Variants in CCNH observed in about 807,000 individuals in gnomAD.
The protein encoded by CCNH is cyclin H, also known as cyclin-H.
CCNH carries 31 observed loss-of-function variants against 41.9 expected under a neutral mutation model. The ratio of observed to expected loss-of-function variants is 0.74; its 90% confidence interval spans 0.56 to 1.00. The LOEUF (loss-of-function observed/expected upper bound fraction) is 1.00, where lower values mean the gene tolerates loss of function less well. Among genes scored for constraint, CCNH ranks in the 50% least tolerant of loss-of-function variants. The pLI, the probability that CCNH is intolerant of heterozygous loss-of-function variation, is 0.00. For missense variants in CCNH, 362 were observed against 388.4 expected (o/e 0.93, Z 0.57); for synonymous variants, 138 against 136.1 (o/e 1.01, Z -0.10).
chr5:87,408,015 A>G lies in CCNH; in HGVS notation c.486T>C (p.Asn162=). 1 of 1,613,788 alleles carries G rather than the reference A, an allele frequency of 6.2e-7. No homozygotes were observed. The highest frequency in any genetic ancestry group is 1.7e-5 in the Admixed American group (1 of 60,024). The change falls in exon 4 of 9, where the codon AAT becomes AAC. Residue 162 remains asparagine (N), a synonymous_variant. Transcript: ENST00000256897. ...GGAAGCCCTCAAATGGTCTGTAAGGATTGTGGACAATAAGGTGGAAATTAA... is the reference window on the plus strand; with the variant it reads ...GGAAGCCCTCAAATGGTCTGTAAGGGTTGTGGACAATAAGGTGGAAATTAA... ...QQLNFHLIVH[N]PYRPFEGFLI...
At chr5:87,311,816 G>A in the CCNH span, among the ~76,000 whole-genome samples, 53,006 of 152,074 alleles carry the variant, frequency 0.35, 9,761 homozygotes, top group East Asian at 0.48. Context: ...GGCCCCTCCC[G>A]TAAATTACAT....
intron 9 of CCNH, among the ~76,000 whole-genome samples, chr5:87,348,640 A>ATT (rs1004683068): frequency 6.9e-6 from 1 of 145,468 alleles, no homozygotes. Context: ...TTACTTTTTA[A>ATT]TTTTTTTTTT....
At chr5:87,319,718 C>G (rs112386295) in intron 9 of CCNH, among the ~76,000 whole-genome samples, 4,476 of 152,320 alleles carry the variant, frequency 0.029, 85 homozygotes, top group Middle Eastern at 0.092. Flanking sequence ...CCATGAAGAT[C>G]TCTGACATGC....
intron 9 of CCNH, chr5:87,366,309 A>G (rs1446455092): frequency 8.1e-6 from 3 of 370,672 alleles, no homozygotes; most frequent in Non-Finnish European, 1.7e-5. Flanking sequence ...GTAAGATTGA[A>G]GAAAAGCTTT....
chr5:87,396,838 A>C (rs1221806864), intron 7 of CCNH, among the ~76,000 whole-genome samples: 2 of 152,172 alleles, frequency 1.3e-5, no homozygotes, highest in Non-Finnish European at 2.9e-5. Flanking sequence ...AATGCAAAGA[A>C]GAAAAAAACG....
At chr5:87,381,012 G>A (rs1157661171), upstream of CCNH, among the ~76,000 whole-genome samples, 1 of 152,168 alleles carries the variant, frequency 6.6e-6, no homozygotes, top group Admixed American at 6.5e-5. Flanking sequence ...ACCAGAACAT[G>A]TAGTTCTGAA....
At chr5:87,381,216 A>C (rs1761691270), upstream of CCNH, among the ~76,000 whole-genome samples, 1 of 152,176 alleles carries the variant, frequency 6.6e-6, no homozygotes, top group Admixed American at 6.5e-5. Context: ...TCCAATGAAG[A>C]AGCAGATCTG....
Position 87,376,466 on chromosome 5 carries a change from T to C in CCNH, n.715A>G, listed in dbSNP as rs1357155666. 1.2e-6 allele frequency: 2 copies of C among 1,614,002 alleles called. No individual in the cohort carries two copies. Among genetic ancestry groups the C allele is most frequent in the South Asian group, 1.1e-5 (1 of 91,082 alleles). ...ATGAATGGTTTCTGCTCAGCTCCCA[T>C]ATACCATTAAAAGGTATTGAACCAG... On this transcript the variant is annotated non_coding_transcript_exon_variant, in exon 1 of 1. Coordinates refer to the CCNH transcript ENST00000607486.
intron 2 of CCNH, among the ~76,000 whole-genome samples, chr5:87,409,629 C>CGTGTGT (rs71610500): frequency 0.016 from 2,380 of 146,052 alleles, 24 homozygotes; most frequent in Middle Eastern, 0.028. Flanking sequence ...TTTAAAAATA[C>CGTGTGT]GTGTGTGTGT....
At chr5:87,367,435 C>A (rs1483525378) in intron 9 of CCNH, among the ~76,000 whole-genome samples, 1 of 152,154 alleles carries the variant, frequency 6.6e-6, no homozygotes, top group African/African-American at 2.4e-5. Flanking sequence ...TTAACAGCCA[C>A]CTTGTGCAGT....
upstream of CCNH, chr5:87,380,662 A>T: frequency 7.5e-7 from 1 of 1,340,304 alleles, no homozygotes; most frequent in Non-Finnish European, 1.1e-6. Context: ...AAATTGAGGA[A>T]TAACAATATA....
intron 9 of CCNH, chr5:87,363,507 A>AAG: frequency 6.2e-7 from 1 of 1,610,102 alleles, no homozygotes; most frequent in East Asian, 2.2e-5. Context: ...TTTGGCAGGT[A>AAG]AGAGACTGGT....
downstream of CCNH, chr5:87,386,879 G>T (rs746048475): frequency 6.2e-7 from 1 of 1,612,450 alleles, no homozygotes; most frequent in Non-Finnish European, 8.5e-7. Flanking sequence ...AACATCGTAT[G>T]ATCATGTTTT....
chr5:87,383,926 T>C, intron 9 of CCNH: 1 of 725,754 alleles, frequency 1.4e-6, no homozygotes, highest in Non-Finnish European at 2.3e-6. Context: ...GCACCCTTCC[T>C]TCCTTGTGCT....
At chr5:87,313,889 C>T (rs150850392), downstream of CCNH, among the ~76,000 whole-genome samples, 408 of 152,184 alleles carry the variant, frequency 2.7e-3, 5 homozygotes, top group East Asian at 8.3e-3. Flanking sequence ...ATGTTTGGGC[C>T]GGGCGTGGTG....
At chr5:87,378,868 T>C (rs1394994420), upstream of CCNH, among the ~76,000 whole-genome samples, 1 of 152,204 alleles carries the variant, frequency 6.6e-6, no homozygotes, top group Admixed American at 6.5e-5. Flanking sequence ...TGACTCATTA[T>C]ATAACCTATG....
chr5:87,379,073 G>A (rs1580392094), upstream of CCNH, among the ~76,000 whole-genome samples: 1 of 152,260 alleles, frequency 6.6e-6, no homozygotes, highest in Non-Finnish European at 1.5e-5. Flanking sequence ...CAACTACAAA[G>A]AAATAATATA....
At chr5:87,329,554 C>T (rs2112360657) in intron 9 of CCNH, among the ~76,000 whole-genome samples, 1 of 152,250 alleles carries the variant, frequency 6.6e-6, no homozygotes, top group Non-Finnish European at 1.5e-5. Context: ...CCTCATGTAT[C>T]TCTGTGTATC....
intron 9 of CCNH, among the ~76,000 whole-genome samples, chr5:87,351,477 C>G (rs1294805954): frequency 1.3e-5 from 2 of 151,574 alleles, no homozygotes; most frequent in African/African-American, 4.8e-5. Context: ...TAACATTTAT[C>G]TAGACTTGAA....
Sources: allele counts gnomAD v4.1 joint callset (sites outside exome capture counted in the v4.1 genomes callset), GRCh38; gene constraint gnomAD v4.1.1; transcripts MANE v1.5; gene names NCBI Gene and HGNC (gene_info 2026-07-23, HGNC 2026-07-21).